The following RIMS3 variants were observed in gnomAD, a reference collection of about 807,000 sequenced individuals.
The protein encoded by RIMS3 is regulating synaptic membrane exocytosis protein 3.
RIMS3 carries 15 observed loss-of-function variants against 29.2 expected under a neutral mutation model. The ratio of observed to expected loss-of-function variants is 0.51; its 90% CI spans 0.34 to 0.79. The LOEUF is 0.79. Among genes scored for constraint, RIMS3 ranks in the 30% least tolerant of loss-of-function variants. The pLI is 0.01. For synonymous variants in RIMS3, 161 were observed against 170.1 expected (o/e 0.95, Z 0.41); for missense variants, 342 against 421.4 (o/e 0.81, Z 1.65).
chr1:40,678,419 CA>C, the RIMS3 span, among the ~76,000 whole-genome samples: 2 of 151,678 alleles, frequency 1.3e-5, no homozygotes, highest in Non-Finnish European at 2.9e-5. Context: ...AACAAACAAA[CA>C]AAAAAAGGAA....
chr1:40,658,496 G>A (rs1299594751), intron 1 of RIMS3, among the ~76,000 whole-genome samples: 3 of 152,180 alleles, frequency 2.0e-5, no homozygotes, highest in East Asian at 1.9e-4. Context: ...TTCTCTGAGC[G>A]GGGCACTGAG....
rs1305190828 is a variant in RIMS3, at chr1:40,644,764, T to C, written c.-31-2808A>G. Among the ~76,000 whole-genome samples the C allele has an allele frequency of 2.0e-5, 3 of 152,234 alleles. No individual in the cohort carries two copies. In the East Asian group the frequency reaches 5.8e-4, roughly 29 times the overall value. On this transcript the variant is annotated intron_variant, in intron 2 of 7. Coordinates refer to ENST00000372684, the MANE Select transcript of RIMS3 (RefSeq NM_014747.3). ...CCAGCATGCTCTGCACCCAGCACCC[T>C]ACTGGCTCTGTCCTAGCCCACAGTG...
At chr1:40,688,131 A>C in the RIMS3 span, among the ~76,000 whole-genome samples, 1 of 151,962 alleles carries the variant, frequency 6.6e-6, no homozygotes, top group African/African-American at 2.4e-5. Flanking sequence ...TGCCCGGCTA[A>C]TTTTTGTATT....
chr1:40,685,169 T>C, the RIMS3 span, among the ~76,000 whole-genome samples: 1 of 151,506 alleles, frequency 6.6e-6, no homozygotes, highest in Non-Finnish European at 1.5e-5. Flanking sequence ...ACAGAAGATG[T>C]GCTATGGTAG....
intron 5 of RIMS3, among the ~76,000 whole-genome samples, chr1:40,630,070 CAAAAAAAAAAAA>C (rs35370598): frequency 9.6e-6 from 1 of 103,710 alleles, no homozygotes; most frequent in Admixed American, 9.9e-5. Flanking sequence ...GACTCCGTCT[CAAAAAAAAAAAA>C]AAAAAAGAAA....
the RIMS3 span, among the ~76,000 whole-genome samples, chr1:40,680,234 A>T: frequency 6.6e-6 from 1 of 152,126 alleles, no homozygotes; most frequent in Non-Finnish European, 1.5e-5. Context: ...TACAAGCATC[A>T]TGGAAAACTC....
At chr1:40,655,186 G>C (rs1423885097) in intron 1 of RIMS3, among the ~76,000 whole-genome samples, 1 of 152,156 alleles carries the variant, frequency 6.6e-6, no homozygotes, top group African/African-American at 2.4e-5. Flanking sequence ...ATGAGACTCC[G>C]AAGCCTTCTG....
In RIMS3 at chr1:40,626,228, T is replaced by G. The variant is rs1646452534; in HGVS notation, c.*289A>C. On this transcript the variant is annotated 3_prime_UTR_variant, in exon 8 of 8. Transcript: ENST00000372684. ...CCACACAACACTCCTTTGGGTTTCTTTTCAACAAGACACAAAGAGACGTGG... is the reference window on the plus strand; with the variant it reads ...CCACACAACACTCCTTTGGGTTTCTGTTCAACAAGACACAAAGAGACGTGG... 2.1e-6 allele frequency: 1 copy of G among 474,066 alleles called. No homozygotes were observed. The highest frequency in any genetic ancestry group is 2.1e-5 in the South Asian group (1 of 48,014). The allele number at this position is 474,066 out of a possible 1,614,324, so 29.4% of individuals were successfully genotyped here.
At chr1:40,649,883 G>A (rs1646619503) in intron 1 of RIMS3, among the ~76,000 whole-genome samples, 1 of 152,190 alleles carries the variant, frequency 6.6e-6, no homozygotes. Flanking sequence ...TATGGTAAGG[G>A]ATGGGTTGAG....
the RIMS3 span, among the ~76,000 whole-genome samples, chr1:40,678,371 G>A: frequency 2.6e-5 from 4 of 152,220 alleles, no homozygotes; most frequent in Admixed American, 2.0e-4. Flanking sequence ...TTGCACCACT[G>A]TGCTCCATCC....
At chr1:40,664,256 C>T (rs915038344) in intron 1 of RIMS3, among the ~76,000 whole-genome samples, 3 of 152,078 alleles carry the variant, frequency 2.0e-5, no homozygotes, top group African/African-American at 7.2e-5. Context: ...CCCACCCCGC[C>T]TCCCAACCAA....
At chr1:40,627,139 G>A (rs989078799) in intron 7 of RIMS3, among the ~76,000 whole-genome samples, 2 of 152,156 alleles carry the variant, frequency 1.3e-5, no homozygotes, top group African/African-American at 4.8e-5. Flanking sequence ...GAGAGTTCAG[G>A]ACTTGGCCAT....
chr1:40,691,628 G>T, the RIMS3 span: 10 of 412,646 alleles, frequency 2.4e-5, no homozygotes, highest in Non-Finnish European at 4.4e-5. Context: ...AGACCTCAAG[G>T]AGCACAGCTT....
chr1:40,671,255 C>G, the RIMS3 span, among the ~76,000 whole-genome samples: 1 of 152,126 alleles, frequency 6.6e-6, no homozygotes, highest in Non-Finnish European at 1.5e-5. Context: ...GGGGGGGATG[C>G]TGATTCTGGA....
At chr1:40,665,726 C>T (rs59433917), upstream of RIMS3, 9 of 152,510 alleles carry the variant, frequency 5.9e-5, no homozygotes, top group South Asian at 1.1e-3. Flanking sequence ...CGGGGCCTGC[C>T]GGGGGCGGGG....
intron 3 of RIMS3, among the ~76,000 whole-genome samples, chr1:40,641,279 CTA>C (rs1646554233): frequency 6.6e-6 from 1 of 152,228 alleles, no homozygotes; most frequent in African/African-American, 2.4e-5. Flanking sequence ...GCACTTGAGA[CTA>C]AATCTTATGG....
rs753744849 is a variant in RIMS3 at position 40,633,201 on chromosome 1, G to A, written c.360-20C>T. On this transcript the variant is annotated intron_variant, in intron 4 of 7. Transcript: ENST00000372684. ...ATGAACCTGCAGGAGGAGGCAGAGG[G>A]ACGCGTGAGGGGGTCAGGGCAACCT... 1.3e-6 allele frequency: 2 copies of A among 1,597,458 alleles called. No individual in the cohort carries two copies. Among genetic ancestry groups the A allele is most frequent in the Non-Finnish European group, 1.7e-6 (2 of 1,165,316 alleles).
chr1:40,685,743 A>G, the RIMS3 span, among the ~76,000 whole-genome samples: 1 of 152,018 alleles, frequency 6.6e-6, no homozygotes, highest in African/African-American at 2.4e-5. Flanking sequence ...GTAAATTACA[A>G]TTTCCTCAGT....
intron 2 of RIMS3, among the ~76,000 whole-genome samples, chr1:40,645,313 C>G (rs1226190348): frequency 1.3e-5 from 2 of 152,014 alleles, no homozygotes; most frequent in Non-Finnish European, 2.9e-5. Context: ...TTACTCCTTA[C>G]AGTATTTCTG....
Sources: allele counts gnomAD v4.1 joint callset (sites outside exome capture counted in the v4.1 genomes callset), GRCh38; gene constraint gnomAD v4.1.1; transcripts MANE v1.5; gene names NCBI Gene and HGNC (gene_info 2026-07-23, HGNC 2026-07-21).